Variants in KCNH5 observed in about 807,000 individuals in gnomAD.
KCNH5 encodes potassium voltage-gated channel subfamily H member 5.
KCNH5 carries 46 observed loss-of-function variants against 96.1 expected under a neutral mutation model. The observed-to-expected ratio is 0.48, with a 90% CI of 0.38 to 0.61. The LOEUF (loss-of-function observed/expected upper bound fraction) is 0.61. Among genes scored for constraint, KCNH5 ranks in the 20% least tolerant of loss-of-function variants. The probability of loss-of-function intolerance (pLI) is 0.00; values close to 1 mark genes in which losing one functional copy is unlikely to be tolerated. For synonymous variants in KCNH5, 439 were observed against 449.8 expected, an observed-to-expected ratio of 0.98 and a Z score of 0.30; for missense variants, 907 against 1,225.8, an observed-to-expected ratio of 0.74 and a Z score of 3.88.
intron 10 of KCNH5, among the ~76,000 whole-genome samples, chr14:62,731,707 G>C (rs988353751): frequency 1.3e-5 from 2 of 152,204 alleles, no homozygotes; most frequent in African/African-American, 2.4e-5. Flanking sequence ...CACAGGTTTA[G>C]ATGCGTTGCA....
At chr14:62,865,013 C>T (rs936696717) in intron 7 of KCNH5, among the ~76,000 whole-genome samples, 4 of 152,062 alleles carry the variant, frequency 2.6e-5, no homozygotes, top group Admixed American at 2.6e-4. Context: ...GTTTACTACA[C>T]CAACCAGTGT....
At chr14:62,785,113 A>C (rs1172645721) in intron 9 of KCNH5, among the ~76,000 whole-genome samples, 1 of 152,194 alleles carries the variant, frequency 6.6e-6, no homozygotes, top group Non-Finnish European at 1.5e-5. Context: ...ACCATTTCAA[A>C]GTGTGTTTAC....
intron 7 of KCNH5, among the ~76,000 whole-genome samples, chr14:62,877,890 G>A (rs1888408430): frequency 6.6e-6 from 1 of 151,792 alleles, no homozygotes; most frequent in Non-Finnish European, 1.5e-5. Context: ...AAAGACACAT[G>A]CACACGTATG....
intron 8 of KCNH5, among the ~76,000 whole-genome samples, chr14:62,837,664 T>C (rs1302753034): frequency 1.3e-5 from 2 of 152,204 alleles, no homozygotes; most frequent in Non-Finnish European, 2.9e-5. Context: ...TTCCCTGTTA[T>C]ATGGAAGGAC....
intron 1 of KCNH5, among the ~76,000 whole-genome samples, chr14:63,029,332 A>G (rs183254659): frequency 2.6e-4 from 39 of 152,302 alleles, no homozygotes; most frequent in African/African-American, 7.5e-4. Flanking sequence ...GTGAGTTCCA[A>G]TTAGGCTACT....
intron 7 of KCNH5, among the ~76,000 whole-genome samples, chr14:62,930,328 T>G (rs901722060): frequency 2.0e-5 from 3 of 152,124 alleles, no homozygotes; most frequent in Non-Finnish European, 4.4e-5. Context: ...TAAATTTCTG[T>G]AGGCAAAGTT....
At chr14:62,773,761 T>C (rs1959038) in intron 10 of KCNH5, among the ~76,000 whole-genome samples, 29 of 152,244 alleles carry the variant, frequency 1.9e-4, no homozygotes, top group Non-Finnish European at 3.2e-4. Context: ...GCAGTATTCA[T>C]GTAACATATA....
At chr14:63,024,190 T>C (rs145111606) in intron 1 of KCNH5, among the ~76,000 whole-genome samples, 4,050 of 146,182 alleles carry the variant, frequency 0.028, 68 homozygotes, top group East Asian at 0.032. Context: ...GCCTGGGCAA[T>C]AGAGTGAGAC....
intron 10 of KCNH5, among the ~76,000 whole-genome samples, chr14:62,735,588 G>A (rs138571601): frequency 2.8e-4 from 43 of 152,036 alleles, no homozygotes; most frequent in East Asian, 1.2e-3. Context: ...TATAATAGGC[G>A]GTACTCCACC....
At chr14:62,753,155 A>T (rs903712253) in intron 10 of KCNH5, among the ~76,000 whole-genome samples, 1 of 152,202 alleles carries the variant, frequency 6.6e-6, no homozygotes, top group South Asian at 2.1e-4. Context: ...AGAGAAATTT[A>T]AAAAATTAAA....
At chr14:62,952,807 T>G (rs2140132381) in intron 6 of KCNH5, among the ~76,000 whole-genome samples, 1 of 152,110 alleles carries the variant, frequency 6.6e-6, no homozygotes, top group South Asian at 2.1e-4. Context: ...AAGACACACA[T>G]CCCTCATCTC....
chr14:62,713,706 C>T (rs1465412945), intron 10 of KCNH5, among the ~76,000 whole-genome samples: 3 of 152,096 alleles, frequency 2.0e-5, no homozygotes, highest in Non-Finnish European at 4.4e-5. Flanking sequence ...TATGATAGTT[C>T]TTTGTTTTAT....
At chr14:62,960,461 T>TA (rs1890185348) in intron 6 of KCNH5, among the ~76,000 whole-genome samples, 1 of 152,202 alleles carries the variant, frequency 6.6e-6, no homozygotes, top group Non-Finnish European at 1.5e-5. Flanking sequence ...TCTCTCATAA[T>TA]AATTTCTGAT....
chr14:63,010,444 T>C (rs965073108), intron 2 of KCNH5, among the ~76,000 whole-genome samples: 2 of 152,180 alleles, frequency 1.3e-5, no homozygotes, highest in Non-Finnish European at 2.9e-5. Flanking sequence ...CAAAAGGCAG[T>C]GTGTCACTGT....
chr14:62,851,946 T>C (rs8022124), intron 7 of KCNH5, among the ~76,000 whole-genome samples: 78,398 of 151,956 alleles, frequency 0.52, 21,553 homozygotes, highest in African/African-American at 0.7. Context: ...AAGTTTAAGA[T>C]AAAATATGAA....
chr14:62,883,771 ATAC>A (rs1888539988), intron 7 of KCNH5, among the ~76,000 whole-genome samples: 1 of 151,814 alleles, frequency 6.6e-6, no homozygotes, highest in African/African-American at 2.4e-5. Flanking sequence ...AATAATAATA[ATAC>A]TATTACAATA....
At chr14:62,825,202 T>C (rs1887197243) in intron 8 of KCNH5, among the ~76,000 whole-genome samples, 1 of 152,142 alleles carries the variant, frequency 6.6e-6, no homozygotes, top group Non-Finnish European at 1.5e-5. Flanking sequence ...CTACAGTGGT[T>C]GAACTAATTT....
chr14:62,862,705 G>A (rs1238091677), intron 7 of KCNH5, among the ~76,000 whole-genome samples: 1 of 152,072 alleles, frequency 6.6e-6, no homozygotes, highest in African/African-American at 2.4e-5. Context: ...AAGAAGTCTG[G>A]GTTGTACTGA....
chr14:62,849,647 C>G lies in KCNH5; in HGVS notation c.1569+6G>C. ...GAAACTAAATAATAACAATAATAACCCATACCTTTTCTGTATCAATGCCTT... is the reference window on the plus strand; with the variant it reads ...GAAACTAAATAATAACAATAATAACGCATACCTTTTCTGTATCAATGCCTT... On this transcript the variant is annotated splice_donor_region_variant and intron_variant, in intron 8 of 10. Transcript: ENST00000322893. The G allele has an allele frequency of 6.2e-7, 1 of 1,610,032 alleles. No homozygotes were observed. Among genetic ancestry groups the G allele is most frequent in the Non-Finnish European group, 8.5e-7 (1 of 1,176,718 alleles).
Sources: allele counts gnomAD v4.1 joint callset (sites outside exome capture counted in the v4.1 genomes callset), GRCh38; gene constraint gnomAD v4.1.1; transcripts MANE v1.5; gene names NCBI Gene and HGNC (gene_info 2026-07-23, HGNC 2026-07-21).